The following RAB3C variants were observed in gnomAD, a reference collection of about 807,000 sequenced individuals.
The protein encoded by RAB3C is RAB3C, member RAS oncogene family, also known as ras-related protein Rab-3C.
RAB3C carries 17 observed loss-of-function variants against 26.4 expected under a neutral mutation model. The observed-to-expected ratio is 0.64, with a 90% CI of 0.44 to 0.97. The LOEUF (loss-of-function observed/expected upper bound fraction) is 0.97, where lower values mean the gene tolerates loss of function less well. Ranked by LOEUF, RAB3C falls within the 50% of genes least tolerant of loss-of-function variation. RAB3C has a pLI of 0.00. For missense variants in RAB3C, 242 were observed against 281.9 expected (o/e 0.86, Z 1.01); for synonymous variants, 91 against 95.9 (o/e 0.95, Z 0.30).
intron 3 of RAB3C, among the ~76,000 whole-genome samples, chr5:58,797,072 G>T (rs1742672865): frequency 6.6e-6 from 1 of 151,326 alleles, no homozygotes; most frequent in Non-Finnish European, 1.5e-5. Flanking sequence ...AGAAGCAGGT[G>T]GTATTTAACT....
chr5:58,761,981 A>G (rs1032735720), intron 3 of RAB3C, among the ~76,000 whole-genome samples: 6 of 151,860 alleles, frequency 4.0e-5, no homozygotes, highest in Non-Finnish European at 8.8e-5. Context: ...ATTTGCTAGT[A>G]TGGCATTGAC....
chr5:58,608,876 A>T (rs1037827723), intron 1 of RAB3C, among the ~76,000 whole-genome samples: 1 of 152,228 alleles, frequency 6.6e-6, no homozygotes, highest in Non-Finnish European at 1.5e-5. Flanking sequence ...GGATGAGTTC[A>T]TATCCTTTGT....
upstream of RAB3C, chr5:58,582,152 A>G (rs1387366717): frequency 6.5e-6 from 1 of 152,736 alleles, no homozygotes; most frequent in Non-Finnish European, 1.5e-5. Context: ...CGCCCCTGGC[A>G]CTTCCTAAGA....
chr5:58,625,171 C>T (rs1194221237), intron 2 of RAB3C, among the ~76,000 whole-genome samples: 2 of 152,142 alleles, frequency 1.3e-5, no homozygotes, highest in East Asian at 3.8e-4. Context: ...ATAAGTACAA[C>T]ATTTGAGTAA....
At chr5:58,734,196 TC>T (rs1166423185) in intron 3 of RAB3C, among the ~76,000 whole-genome samples, 5 of 152,150 alleles carry the variant, frequency 3.3e-5, no homozygotes, top group Non-Finnish European at 5.9e-5. Flanking sequence ...CTTCAAATGT[TC>T]CCTTCTGCAG....
At chr5:58,799,111 T>G (rs993082376) in intron 3 of RAB3C, among the ~76,000 whole-genome samples, 1 of 152,126 alleles carries the variant, frequency 6.6e-6, no homozygotes, top group Non-Finnish European at 1.5e-5. Context: ...GTATTCAGAG[T>G]CAGAGTTTCC....
At chr5:58,805,550 A>C (rs1477181378) in intron 3 of RAB3C, among the ~76,000 whole-genome samples, 1 of 148,152 alleles carries the variant, frequency 6.7e-6, no homozygotes, top group Admixed American at 7.0e-5. Flanking sequence ...GCGCCACTGC[A>C]CTCCACTCCA....
chr5:58,806,810 C>G (rs951306992), intron 3 of RAB3C, among the ~76,000 whole-genome samples: 5 of 152,128 alleles, frequency 3.3e-5, no homozygotes, highest in Non-Finnish European at 7.4e-5. Flanking sequence ...TTGAGTTTTT[C>G]AAACACAAGA....
intron 3 of RAB3C, among the ~76,000 whole-genome samples, chr5:58,764,076 A>C (rs1275889132): frequency 6.6e-6 from 1 of 152,216 alleles, no homozygotes; most frequent in East Asian, 1.9e-4. Flanking sequence ...AAACAAGCCT[A>C]ATTTGGTATC....
At chr5:58,594,008 G>A (rs1001044195) in intron 1 of RAB3C, among the ~76,000 whole-genome samples, 2 of 152,136 alleles carry the variant, frequency 1.3e-5, no homozygotes, top group African/African-American at 4.8e-5. Context: ...TACAGTCTTA[G>A]CTTTTTATGT....
intron 3 of RAB3C, among the ~76,000 whole-genome samples, chr5:58,818,730 C>T (rs947801280): frequency 6.6e-6 from 1 of 152,180 alleles, no homozygotes; most frequent in Non-Finnish European, 1.5e-5. Context: ...TGTTTGGTGA[C>T]AGCCACTCGC....
At chr5:58,777,713 T>C (rs1015518327) in intron 3 of RAB3C, among the ~76,000 whole-genome samples, 1 of 151,624 alleles carries the variant, frequency 6.6e-6, no homozygotes, top group Non-Finnish European at 1.5e-5. Flanking sequence ...GTTATTTACA[T>C]TAGGTATATC....
intron 2 of RAB3C, among the ~76,000 whole-genome samples, chr5:58,652,217 A>G (rs954464059): frequency 1.3e-5 from 2 of 151,776 alleles, no homozygotes; most frequent in East Asian, 1.9e-4. Flanking sequence ...ATATTTTACA[A>G]TGTTCTCTAA....
At chr5:58,668,819 T>C (rs1423917625) in intron 2 of RAB3C, among the ~76,000 whole-genome samples, 1 of 152,122 alleles carries the variant, frequency 6.6e-6, no homozygotes, top group Non-Finnish European at 1.5e-5. Context: ...GAAAGATTCC[T>C]GCCATAATCA....
intron 2 of RAB3C, among the ~76,000 whole-genome samples, chr5:58,641,881 G>GT (rs373640100): frequency 2.6e-5 from 4 of 152,194 alleles, no homozygotes; most frequent in East Asian, 3.9e-4. Context: ...TATTATTTAT[G>GT]TTTTTTTGTG....
intron 3 of RAB3C, among the ~76,000 whole-genome samples, chr5:58,797,451 C>T (rs554368271): frequency 6.7e-6 from 1 of 148,262 alleles, no homozygotes; most frequent in African/African-American, 2.5e-5. Flanking sequence ...GTGTGTAGTG[C>T]TGCTGCCTCC....
At chr5:58,628,687 C>T (rs1463575113) in intron 2 of RAB3C, among the ~76,000 whole-genome samples, 1 of 142,660 alleles carries the variant, frequency 7.0e-6, no homozygotes, top group Non-Finnish European at 1.5e-5. Flanking sequence ...CCCCGGAGCA[C>T]AGGGTAGGGT....
chr5:58,587,586 T>G (rs1439272652), intron 1 of RAB3C, among the ~76,000 whole-genome samples: 1 of 152,218 alleles, frequency 6.6e-6, no homozygotes, highest in Admixed American at 6.5e-5. Flanking sequence ...AATATTTATA[T>G]ACATTGAAAT....
chr5:58,816,196 C>T (rs1043608574), intron 3 of RAB3C, among the ~76,000 whole-genome samples: 8 of 152,010 alleles, frequency 5.3e-5, no homozygotes, highest in Admixed American at 1.3e-4. Context: ...CAGGAGTTTG[C>T]GCATAAGTAG....
Sources: allele counts gnomAD v4.1 joint callset (sites outside exome capture counted in the v4.1 genomes callset), GRCh38; gene constraint gnomAD v4.1.1; transcripts MANE v1.5; gene names NCBI Gene and HGNC (gene_info 2026-07-23, HGNC 2026-07-21).